SHANK2: variants seen among roughly 807,000 people sequenced by gnomAD.
SHANK2 encodes the protein SH3 and multiple ankyrin repeat domains protein 2.
A neutral mutation model predicts 133.7 loss-of-function variants in SHANK2; 43 were observed. The ratio of observed to expected loss-of-function variants is 0.32; its 90% CI spans 0.25 to 0.41. SHANK2 has a LOEUF of 0.41. Among genes scored for constraint, SHANK2 ranks in the 10% least tolerant of loss-of-function variants. The probability of loss-of-function intolerance (pLI) is 1.00; values close to 1 mark genes in which losing one functional copy is unlikely to be tolerated. For missense variants in SHANK2, 1,994 were observed against 2,235.8 expected (o/e 0.89, Z 2.18); for synonymous variants, 1,017 against 952.8 (o/e 1.07, Z -1.24).
rs57924338 is a variant in SHANK2 at position 71,179,057 on chromosome 11, T to C, written c.-12-31719A>G. On this transcript the variant is annotated intron_variant, in intron 2 of 25. Transcript: ENST00000601538. Reference sequence around the variant, plus strand: ...ATCAAAAGAAAATTGGAGGATTATATTTTTTTCCAGAAAGCTGGATAAAAG... The same window carrying C: ...ATCAAAAGAAAATTGGAGGATTATACTTTTTTCCAGAAAGCTGGATAAAAG... Among the ~76,000 whole-genome samples the C allele has an allele frequency of 1.0e-2, 1,518 of 152,264 alleles. 23 individuals are homozygous for C. The highest frequency in any genetic ancestry group is 0.035 in the African/African-American group (1,448 of 41,548).
intron 17 of SHANK2, chr11:70,654,035 T>C (rs895223974): frequency 1.3e-5 from 2 of 152,222 alleles, no homozygotes; most frequent in African/African-American, 4.8e-5. Context: ...CCACGCCCTC[T>C]CTCGTGCAAG....
At chr11:70,828,744 G>A (rs1452961553) in intron 11 of SHANK2, among the ~76,000 whole-genome samples, 2 of 152,220 alleles carry the variant, frequency 1.3e-5, no homozygotes, top group Admixed American at 6.5e-5. Context: ...GTATTGGTGT[G>A]TACAGGGAGC....
rs1953428742 is a variant in SHANK2 at position 71,175,748 on chromosome 11, G to T, written c.-12-28410C>A. 2.0e-5 allele frequency among the ~76,000 whole-genome samples: 3 copies of T among 152,222 alleles called. No individual in the cohort carries two copies. The highest frequency in any genetic ancestry group is 3.9e-4 in the East Asian group (2 of 5,194). ...ATATTTTCAAAGTATAGGACAGGAT[G>T]CACAGGAGAGAGGAAATAATGAGGT... On this transcript the variant is annotated intron_variant, in intron 2 of 25. Coordinates refer to ENST00000601538, the MANE Select transcript of SHANK2 (RefSeq NM_012309.5). This position sits in a 1 kb window ranked among gnomAD's most constrained non-coding sequence, Gnocchi z 4.2.
chr11:70,572,157 A>G (rs1416932121), intron 17 of SHANK2, among the ~76,000 whole-genome samples: 1 of 152,186 alleles, frequency 6.6e-6, no homozygotes, highest in Non-Finnish European at 1.5e-5. Flanking sequence ...ACTGGGAGAA[A>G]ATCAACCCCT....
At chr11:70,773,256 C>T (rs1004639334) in intron 14 of SHANK2, among the ~76,000 whole-genome samples, 4 of 152,204 alleles carry the variant, frequency 2.6e-5, no homozygotes, top group Admixed American at 1.3e-4. Context: ...CACAGGGCAG[C>T]GTCCTAAAGA....
chr11:71,169,758 A>G (rs1953272049), intron 2 of SHANK2, among the ~76,000 whole-genome samples: 1 of 151,454 alleles, frequency 6.6e-6, no homozygotes, highest in Admixed American at 6.6e-5. Flanking sequence ...CCATCTCAAA[A>G]AAAAAAAAAA....
intron 17 of SHANK2, among the ~76,000 whole-genome samples, chr11:70,543,261 G>A (rs1470565862): frequency 6.6e-6 from 1 of 152,146 alleles, no homozygotes. Flanking sequence ...AAAATCTCAG[G>A]ACCCTCCAGA....
At chr11:71,168,207 T>C (rs1953224071) in intron 2 of SHANK2, among the ~76,000 whole-genome samples, 1 of 128,402 alleles carries the variant, frequency 7.8e-6, no homozygotes, top group Non-Finnish European at 1.6e-5. Context: ...GCAGAGGTGC[T>C]CCCCACATCT....
rs1953416280 is a variant in SHANK2, at chr11:71,175,542, GAGGGAGAGGGAGA to G, written c.-12-28217_-12-28205del. On this transcript the variant is annotated intron_variant, in intron 2 of 25. Transcript: ENST00000601538. This position sits in a 1 kb window ranked among gnomAD's most constrained non-coding sequence, Gnocchi z 4.2. ...ACAGACAGACAGACAGACAGAGGGAGAGGGAGAGGGAGAGAGAGAGAGAGAGAGAGAGAGAGAG... is the reference window on the plus strand; with the variant it reads ...ACAGACAGACAGACAGACAGAGGGAGGAGAGAGAGAGAGAGAGAGAGAGAG... Among the ~76,000 whole-genome samples, 1 of 20,090 alleles carries G rather than the reference GAGGGAGAGGGAGA, an allele frequency of 5.0e-5. No individual in the cohort carries two copies. The highest frequency in any genetic ancestry group is 8.6e-5 in the African/African-American group (1 of 11,650). The allele number at this position is 20,090 out of a possible 152,430, so 13.2% of individuals were successfully genotyped here. A position where few individuals can be genotyped will look rare whatever the true frequency, so the allele number is the denominator to read the frequency against.
At chr11:71,082,064 C>T (rs1468522026) in intron 8 of SHANK2, among the ~76,000 whole-genome samples, 2 of 152,192 alleles carry the variant, frequency 1.3e-5, no homozygotes, top group African/African-American at 4.8e-5. Flanking sequence ...GAACCCTGTT[C>T]ACAATGTCCC....
intron 2 of SHANK2, among the ~76,000 whole-genome samples, chr11:71,183,503 A>G (rs1393383828): frequency 6.6e-6 from 1 of 152,240 alleles, no homozygotes; most frequent in African/African-American, 2.4e-5. Context: ...CTAAGCAAAC[A>G]GAAAACAGCA....
chr11:70,795,838 CGGAAAGGCAA>C (rs1947898331), intron 14 of SHANK2, among the ~76,000 whole-genome samples: 1 of 152,118 alleles, frequency 6.6e-6, no homozygotes, highest in Non-Finnish European at 1.5e-5. Context: ...CCAAGGATGT[CGGAAAGGCAA>C]GGAAACAAAT....
intron 1 of SHANK2, among the ~76,000 whole-genome samples, chr11:71,245,876 G>A (rs1030933593): frequency 6.6e-6 from 1 of 152,342 alleles, no homozygotes; most frequent in Non-Finnish European, 1.5e-5. Context: ...CGTGAGGAGG[G>A]GTCAGACAGG....
chr11:71,092,479 C>T lies in SHANK2; in HGVS notation c.855G>A (p.Leu285=). The T allele has an allele frequency of 1.3e-6, 2 of 1,551,582 alleles. No homozygotes were observed. Among genetic ancestry groups the T allele is most frequent in the Non-Finnish European group, 1.7e-6 (2 of 1,147,008 alleles). ...TGCAGCACACAGTGGCGTGTTCGTGCAGGAGAAGCTCGCAGCAGTAGGGAT... is the reference window on the plus strand; with the variant it reads ...TGCAGCACACAGTGGCGTGTTCGTGTAGGAGAAGCTCGCAGCAGTAGGGAT... ...GGDPYCCELL[L]HEHATVCCKD... is the part of the protein sequence containing the mutation. The change falls in exon 8 of 26, where the codon CTG becomes CTA. Residue 285 remains leucine, a synonymous_variant. Transcript: ENST00000601538.
chr11:71,061,099 C>T (rs1223443270), intron 9 of SHANK2, among the ~76,000 whole-genome samples: 2 of 152,228 alleles, frequency 1.3e-5, no homozygotes, highest in African/African-American at 4.8e-5. Context: ...GCCCAGGGTC[C>T]ACACTGTGGG....
chr11:70,609,680 C>A (rs28517779), intron 17 of SHANK2, among the ~76,000 whole-genome samples: 3 of 140,244 alleles, frequency 2.1e-5, no homozygotes, highest in Non-Finnish European at 4.7e-5. Context: ...TATATTGTAT[C>A]TTGTATATAC....
Position 70,487,144 on chromosome 11 carries a change from C to T in SHANK2, c.3149G>A (p.Gly1050Asp), listed in dbSNP as rs2058821580. 1 of 1,612,724 alleles carries T rather than the reference C, an allele frequency of 6.2e-7. No individual in the cohort carries two copies. Among genetic ancestry groups the T allele is most frequent in the Non-Finnish European group, 8.5e-7 (1 of 1,180,036 alleles). ...STSSSGKSSQ[G>D]SSMEIDPQAP... ...CTGGGGGTCGATCTCCATGCTGCTG[C>T]CCTGGCTGCTCTTGCCGCTGCTGCT... Residue 1050 changes from glycine to aspartate, a missense_variant, in exon 25 of 26, where the codon GGC (glycine) becomes GAC (aspartate). Physicochemically the swap from Gly to Asp is moderately conservative, Grantham distance 94 (BLOSUM62 -1). Transcript: ENST00000601538. The surrounding 1 kb of genome is among the most constrained non-coding windows in gnomAD (Gnocchi z 5.8).
intron 9 of SHANK2, among the ~76,000 whole-genome samples, chr11:71,069,026 C>T (rs1375819573): frequency 2.6e-5 from 4 of 151,168 alleles, no homozygotes; most frequent in Admixed American, 6.6e-5. Flanking sequence ...CCATCACTGT[C>T]GCCATGACCA....
At chr11:70,845,115 C>G (rs1555062804) in intron 11 of SHANK2, among the ~76,000 whole-genome samples, 1 of 144,000 alleles carries the variant, frequency 6.9e-6, no homozygotes, top group African/African-American at 2.6e-5. Context: ...AGGAGAATCG[C>G]TTGAACCCGG....
Sources: allele counts gnomAD v4.1 joint callset (sites outside exome capture counted in the v4.1 genomes callset), GRCh38; gene constraint gnomAD v4.1.1; non-coding constraint Gnocchi (gnomAD v3.1); transcripts MANE v1.5; gene names NCBI Gene and HGNC (gene_info 2026-07-23, HGNC 2026-07-21).